ULK4: variants seen among roughly 807,000 people sequenced by gnomAD.
The protein encoded by ULK4 is inactive serine/threonine-protein kinase ULK4.
In ULK4, 133 loss-of-function variants were observed where a neutral mutation model predicts 160.6. The observed-to-expected ratio is 0.83, with a 90% CI of 0.72 to 0.96. The LOEUF (loss-of-function observed/expected upper bound fraction) is 0.96. ULK4 is among the 40% of genes least tolerant of loss of function. ULK4 has a pLI of 0.00. For missense variants in ULK4, 1,580 were observed against 1,499.5 expected, an observed-to-expected ratio of 1.05 and a Z score of -0.89; for synonymous variants, 534 against 539.8, an observed-to-expected ratio of 0.99 and a Z score of 0.15.
chr3:41,643,158 G>A (rs1338669743), intron 30 of ULK4, among the ~76,000 whole-genome samples: 10 of 152,090 alleles, frequency 6.6e-5, no homozygotes, highest in South Asian at 6.2e-4. Flanking sequence ...TCACTCTGAC[G>A]GTAGTTTCTT....
chr3:41,515,694 A>T (rs747776705), intron 32 of ULK4, among the ~76,000 whole-genome samples: 4 of 152,158 alleles, frequency 2.6e-5, no homozygotes, highest in African/African-American at 4.8e-5. Flanking sequence ...ATCTCATGAG[A>T]CGCACTCATT....
chr3:41,526,766 G>C (rs1346238883), intron 32 of ULK4, among the ~76,000 whole-genome samples: 8 of 152,108 alleles, frequency 5.3e-5, no homozygotes, highest in Non-Finnish European at 1.5e-5. Context: ...CACAATATTT[G>C]GCCAGTATCC....
chr3:41,547,061 G>A (rs1457353757), intron 32 of ULK4, among the ~76,000 whole-genome samples: 1 of 152,072 alleles, frequency 6.6e-6, no homozygotes, highest in Non-Finnish European at 1.5e-5. Context: ...ATAGTGGGAG[G>A]GCATGTTACT....
At chr3:41,805,395 G>C (rs1423846254) in intron 19 of ULK4, among the ~76,000 whole-genome samples, 1 of 152,158 alleles carries the variant, frequency 6.6e-6, no homozygotes, top group African/African-American at 2.4e-5. Context: ...TGAGACAATG[G>C]GGTTTTCTAA....
At chr3:41,438,837 A>G (rs2083094591) in intron 34 of ULK4, among the ~76,000 whole-genome samples, 1 of 152,124 alleles carries the variant, frequency 6.6e-6, no homozygotes, top group Non-Finnish European at 1.5e-5. Flanking sequence ...ACTCAAGAAA[A>G]GAAAAAGAAA....
intron 21 of ULK4, among the ~76,000 whole-genome samples, chr3:41,760,997 G>A (rs143171586): frequency 1.3e-5 from 2 of 152,308 alleles, no homozygotes; most frequent in Admixed American, 1.3e-4. Flanking sequence ...CAGCTGCAAA[G>A]ATTATATGCA....
chr3:41,828,394 A>G (rs2041448836), intron 18 of ULK4, among the ~76,000 whole-genome samples: 1 of 150,010 alleles, frequency 6.7e-6, no homozygotes, highest in Admixed American at 6.7e-5. Context: ...GTATATCTAG[A>G]AAACCCCATT....
intron 18 of ULK4, among the ~76,000 whole-genome samples, chr3:41,824,952 C>T (rs954178643): frequency 7.9e-5 from 12 of 152,194 alleles, no homozygotes; most frequent in Non-Finnish European, 1.3e-4. Context: ...GCTGGGTACT[C>T]CTCTGAGACA....
In ULK4 at chr3:41,521,046, G is replaced by A. The variant is rs1346320092; in HGVS notation, c.3226+44979C>T. Reference sequence around the variant, plus strand: ...GCCTTTTCCACTATTTTATTCTTCTGCCTGATGCAGATGATTCTAAGACCC... The same window carrying A: ...GCCTTTTCCACTATTTTATTCTTCTACCTGATGCAGATGATTCTAAGACCC... On this transcript the variant is annotated intron_variant, in intron 32 of 36. Transcript: ENST00000301831. 2.6e-5 allele frequency among the ~76,000 whole-genome samples: 4 copies of A among 152,172 alleles called. No individual in the cohort carries two copies. In the South Asian group the frequency reaches 6.2e-4, roughly 24 times the overall value.
Position 41,800,267 on chromosome 3 carries a change from TGCCATGTGATTCACAACAC to T in ULK4, c.1856_1874del (p.Arg619GlnfsTer24), listed in dbSNP as rs761706059. ...TACAGACATTTTCAATAATTTTTGCTGCCATGTGATTCACAACACGCTCTTCCTATAGAGAAAGGAGATT... is the reference window on the plus strand; with the variant it reads ...TACAGACATTTTCAATAATTTTTGCTGCTCTTCCTATAGAGAAAGGAGATT... On this transcript the variant is annotated frameshift_variant, in exon 20 of 37. Transcript: ENST00000301831. LOFTEE classifies it high-confidence loss of function. 1 of 1,612,582 alleles carries T rather than the reference TGCCATGTGATTCACAACAC, an allele frequency of 6.2e-7. No individual in the cohort carries two copies. The highest frequency in any genetic ancestry group is 1.7e-5 in the Admixed American group (1 of 59,658).
intron 35 of ULK4, among the ~76,000 whole-genome samples, chr3:41,298,275 T>C (rs2079711427): frequency 6.6e-6 from 1 of 152,244 alleles, no homozygotes; most frequent in Admixed American, 6.5e-5. Flanking sequence ...TTTCTGTCAA[T>C]ATGAAGAGAT....
intron 32 of ULK4, among the ~76,000 whole-genome samples, chr3:41,501,523 TA>T (rs1217901451): frequency 6.6e-6 from 1 of 152,020 alleles, no homozygotes; most frequent in Admixed American, 6.6e-5. Flanking sequence ...AAACAAAAAT[TA>T]ATATTTAAAA....
At chr3:41,446,715 CG>C (rs1464617071) in intron 34 of ULK4, among the ~76,000 whole-genome samples, 1 of 83,454 alleles carries the variant, frequency 1.2e-5, no homozygotes, top group Admixed American at 2.0e-4. Flanking sequence ...TATCACACAC[CG>C]GGGCCTGTTG....
At chr3:41,891,555 C>T (rs1697968332) in intron 16 of ULK4, among the ~76,000 whole-genome samples, 2 of 151,290 alleles carry the variant, frequency 1.3e-5, no homozygotes, top group Admixed American at 1.3e-4. Flanking sequence ...GAAGAGAGCT[C>T]AAACTCCAAA....
At chr3:41,825,314 A>C (rs1575775553) in intron 18 of ULK4, among the ~76,000 whole-genome samples, 1 of 152,374 alleles carries the variant, frequency 6.6e-6, no homozygotes, top group South Asian at 2.1e-4. Context: ...TGGATGGAGA[A>C]TGCCTTTGAC....
chr3:41,386,332 T>A (rs1356607243), intron 35 of ULK4, among the ~76,000 whole-genome samples: 3 of 152,210 alleles, frequency 2.0e-5, no homozygotes, highest in African/African-American at 7.2e-5. Context: ...AAGGTGTTAT[T>A]TGTCATTTTT....
rs550401089 is a variant in ULK4, at chr3:41,424,137, G to A, written c.3493-25873C>T. The stretch of plus-strand genomic sequence containing the variant: ...ATACTAGATGGTTTGGATCCAGGAG[G>A]AATTCTTCACAGGGCAGCACAGCAG... On this transcript the variant is annotated intron_variant, in intron 34 of 36. Transcript: ENST00000301831. Among the ~76,000 whole-genome samples, 6 of 152,170 alleles carry A rather than the reference G, an allele frequency of 3.9e-5. No individual in the cohort carries two copies. In the South Asian group the frequency reaches 1.2e-3, roughly 32 times the overall value.
chr3:41,914,240 T>C (rs1279891897), intron 8 of ULK4, among the ~76,000 whole-genome samples: 1 of 152,224 alleles, frequency 6.6e-6, no homozygotes, highest in Non-Finnish European at 1.5e-5. Flanking sequence ...ATTCAAAATT[T>C]CTGTATTAAA....
intron 34 of ULK4, among the ~76,000 whole-genome samples, chr3:41,435,532 A>G (rs1290999795): frequency 3.3e-5 from 5 of 152,256 alleles, no homozygotes; most frequent in Non-Finnish European, 5.9e-5. Context: ...TCAAATTGTT[A>G]AATAAGGTTC....
Sources: allele counts gnomAD v4.1 joint callset (sites outside exome capture counted in the v4.1 genomes callset), GRCh38; gene constraint gnomAD v4.1.1; transcripts MANE v1.5; gene names NCBI Gene and HGNC (gene_info 2026-07-23, HGNC 2026-07-21).